ZAR1L: variants seen among roughly 807,000 people sequenced by gnomAD.
ZAR1L encodes the protein protein ZAR1-like.
In ZAR1L, 16 loss-of-function variants were observed where a neutral mutation model predicts 30.0. The observed-to-expected ratio is 0.53, with a 90% CI of 0.36 to 0.81. The LOEUF (loss-of-function observed/expected upper bound fraction) is 0.81. Among genes scored for constraint, ZAR1L ranks in the 30% least tolerant of loss-of-function variants. The probability of loss-of-function intolerance (pLI) is 0.00; values close to 1 mark genes in which losing one functional copy is unlikely to be tolerated. For missense variants in ZAR1L, 392 were observed against 417.2 expected (o/e 0.94, Z 0.53); for synonymous variants, 197 against 166.8 (o/e 1.18, Z -1.40).
intron 2 of ZAR1L, among the ~76,000 whole-genome samples, chr13:32,313,895 A>G (rs1426328892): frequency 6.6e-6 from 1 of 152,188 alleles, no homozygotes; most frequent in Non-Finnish European, 1.5e-5. Context: ...GGTTCTCATT[A>G]GTCCACTCCT....
intron 2 of ZAR1L, 60 bp from the exon 3 acceptor site, chr13:32,312,153 A>C: frequency 3.9e-6 from 2 of 517,142 alleles, no homozygotes; most frequent in Non-Finnish European, 3.3e-6. Context: ...TTCCTACCTA[A>C]TTGCTTTTCC....
chr13:32,307,156 G>A (rs971180924), intron 5 of ZAR1L, among the ~76,000 whole-genome samples: 2 of 151,838 alleles, frequency 1.3e-5, no homozygotes, highest in Admixed American at 1.3e-4. Context: ...TACAATAATA[G>A]CATATAAGTT....
Position 32,310,630 on chromosome 13 carries a change from T to C in ZAR1L, c.747+9A>G. Reference sequence around the variant, plus strand: ...CATCCTCCTCTCACCTCCTACTCTTTTTATTTACCTTGTTCGTTCCAGAAA... The same window carrying C: ...CATCCTCCTCTCACCTCCTACTCTTCTTATTTACCTTGTTCGTTCCAGAAA... On this transcript the variant is annotated intron_variant, in intron 4 of 5. Coordinates refer to ENST00000533490, the MANE Select transcript of ZAR1L (RefSeq NM_001136571.2). 1 of 1,542,728 alleles carries C rather than the reference T, an allele frequency of 6.5e-7. No individual in the cohort carries two copies.
chr13:32,308,986 G>C (rs1593874755), intron 4 of ZAR1L, among the ~76,000 whole-genome samples: 1 of 139,360 alleles, frequency 7.2e-6, no homozygotes, highest in African/African-American at 2.7e-5. Flanking sequence ...CATAAAATTG[G>C]AATACATTTT....
Position 32,308,743 on chromosome 13 carries a change from G to C in ZAR1L, c.765C>G (p.Leu255=), listed in dbSNP as rs1272830947. ...TAAAACTCTTTTGGCATTTACAACA[G>C]AGTTGTTTGAAATAAACCTAAAGAG... ...SGTNKVYFKQ[L]CCKCQKSFNP... Residue 255 remains leucine, a synonymous_variant, in exon 5 of 6, where the codon CTC becomes CTG. Coordinates refer to ENST00000533490, the MANE Select transcript of ZAR1L (RefSeq NM_001136571.2). The C allele has an allele frequency of 1.3e-6, 2 of 1,549,688 alleles. No homozygotes were observed. Among genetic ancestry groups the C allele is most frequent in the Admixed American group, 3.9e-5 (2 of 50,912 alleles).
chr13:32,312,912 C>T (rs2072224797), intron 2 of ZAR1L, among the ~76,000 whole-genome samples: 1 of 152,088 alleles, frequency 6.6e-6, no homozygotes, highest in South Asian at 2.1e-4. Context: ...AACAGGAGAT[C>T]CTGCCATTTG....
At chr13:32,306,673 A>C (rs1029026318) in intron 5 of ZAR1L, among the ~76,000 whole-genome samples, 2 of 152,202 alleles carry the variant, frequency 1.3e-5, no homozygotes, top group Non-Finnish European at 2.9e-5. Flanking sequence ...GCTCACGCCT[A>C]TAATCCCAAT....
intron 5 of ZAR1L, among the ~76,000 whole-genome samples, chr13:32,305,296 G>A (rs1451652146): frequency 6.6e-6 from 1 of 151,190 alleles, no homozygotes; most frequent in Admixed American, 6.6e-5. Context: ...GCGCTATCTT[G>A]GCTCACTGCA....
In ZAR1L at chr13:32,311,890, G is replaced by T; in HGVS notation, c.36C>A (p.Tyr12Ter). The T allele has an allele frequency of 1.3e-6, 2 of 1,551,434 alleles. No homozygotes were observed. The highest frequency in any genetic ancestry group is 1.7e-6 in the Non-Finnish European group (2 of 1,146,878). Reference sequence around the variant, plus strand: ...AAGGCACTGTGCTCCCATAACCCTGGTACAAGCCATAGGGAACACGGACAA... The same window carrying T: ...AAGGCACTGTGCTCCCATAACCCTGTTACAAGCCATAGGGAACACGGACAA... ...ERFVRVPYGL[Y>*]QGYGSTVPLG... Residue 12 changes from tyrosine (Y) to a stop codon, truncating the protein, a stop_gained, in exon 3 of 6, where the codon TAC becomes TAA. Transcript: ENST00000533490. LOFTEE classifies it high-confidence loss of function.
In ZAR1L at chr13:32,311,273, T is replaced by C. The variant is rs1351111179; in HGVS notation, c.653A>G (p.Gln218Arg). ...AAGAAGAGGGAAGAGAGGATCTACC[T>C]GGAAGTTGGGCCTCCGGAGCGGCTC... ...ASEPLRRPNFQFLEPKYGYFH... is the reference protein window; with the variant it reads ...ASEPLRRPNFRFLEPKYGYFH... The change falls in exon 3 of 6, where the codon CAG becomes CGG. Residue 218 changes from glutamine to arginine, a missense_variant and splice_region_variant. Gln to Arg is a conservative substitution (Grantham distance 43, BLOSUM62 1). Coordinates refer to ENST00000533490, the MANE Select transcript of ZAR1L (RefSeq NM_001136571.2). 7.8e-6 allele frequency: 12 copies of C among 1,547,172 alleles called. No individual in the cohort carries two copies. Among genetic ancestry groups the C allele is most frequent in the South Asian group, 4.8e-5 (4 of 83,684 alleles).
chr13:32,303,979 T>C lies in ZAR1L; in HGVS notation c.866A>G (p.His289Arg), dbSNP rs2072157111. The change falls in exon 6 of 6, where the codon CAC (histidine) becomes CGC (arginine). Residue 289 changes from histidine to arginine, a missense_variant. By Grantham distance (29) the His-to-Arg change is conservative (BLOSUM62 0). Transcript: ENST00000533490. ...SHCSCPQKKR[H>R]IDLRRPHRQE... ...TCGATGAGGCCTCCTTAGATCAATG[T>C]GTCTCTTCTTTTGAGGACAGGAACA... 1.3e-6 allele frequency: 2 copies of C among 1,552,176 alleles called. No homozygotes were observed. Among genetic ancestry groups the C allele is most frequent in the Non-Finnish European group, 1.7e-6 (2 of 1,147,102 alleles).
Position 32,306,622 on chromosome 13 carries a change from G to A in ZAR1L, c.822+2064C>T, listed in dbSNP as rs527869534. Among the ~76,000 whole-genome samples the A allele has an allele frequency of 8.5e-5, 13 of 152,160 alleles. No homozygotes were observed. The East Asian group carries it at 1.9e-3, about 23-fold the overall frequency. Reference sequence around the variant, plus strand: ...CCTAGAAATTCTATATATACCCAGCGAAAATATCTCTTAAAAAGATATCCA... The same window carrying A: ...CCTAGAAATTCTATATATACCCAGCAAAAATATCTCTTAAAAAGATATCCA... On this transcript the variant is annotated intron_variant, in intron 5 of 5. Transcript: ENST00000533490.
rs1428943140 is a variant in ZAR1L, at chr13:32,303,883, A to G, written c.962T>C (p.Met321Thr). ...TTACAAGTCACACTGTACAAGTCAC[A>G]TCACATATTTAAAGCTGTAAATATT... ...CGNIYSFKYV[M>T] The change falls in exon 6 of 6, where the codon ATG (methionine) becomes ACG (threonine). Residue 321 changes from methionine (M) to threonine (T), a missense_variant. Physicochemically the swap from Met to Thr is moderately conservative, Grantham distance 81. Coordinates refer to ENST00000533490, the MANE Select transcript of ZAR1L (RefSeq NM_001136571.2). The G allele has an allele frequency of 1.3e-6, 2 of 1,551,748 alleles. No homozygotes were observed. Among genetic ancestry groups the G allele is most frequent in the Non-Finnish European group, 1.7e-6 (2 of 1,146,988 alleles).
intron 2 of ZAR1L, 130 bp downstream of exon 2, chr13:32,314,200 G>C (rs927076283): frequency 1.4e-5 from 2 of 139,916 alleles, no homozygotes; most frequent in Non-Finnish European, 3.2e-5. Context: ...GATCACAGAC[G>C]TATTTCTTTG....
chr13:32,308,930 C>A (rs1169524857), intron 4 of ZAR1L, among the ~76,000 whole-genome samples, 170 bp from the exon 5 acceptor site: 1 of 149,800 alleles, frequency 6.7e-6, no homozygotes. Flanking sequence ...TCAAGGTGTA[C>A]TAGTTCTTAT....
At chr13:32,308,578 G>A in intron 5 of ZAR1L, 108 bp downstream of exon 5, 1 of 760,820 alleles carries the variant, frequency 1.3e-6, no homozygotes, top group Non-Finnish European at 2.2e-6. Context: ...CAAACATACA[G>A]AACACTCACA....
chr13:32,304,261 A>G (rs2072158600), intron 5 of ZAR1L, among the ~76,000 whole-genome samples: 2 of 152,248 alleles, frequency 1.3e-5, no homozygotes. Flanking sequence ...GCCAATCAAG[A>G]CAACATAATG....
rs935800818 is a variant in ZAR1L at position 32,311,840 on chromosome 13, T to G, written c.86A>C (p.His29Pro). The G allele has an allele frequency of 3.9e-6, 6 of 1,551,704 alleles. No individual in the cohort carries two copies. The highest frequency in any genetic ancestry group is 5.2e-6 in the Non-Finnish European group (6 of 1,147,014). ...ATTTTGCCTCCAGTCGGGCTGTTTG[T>G]GCCCTGAGAGTCCAGGCTGGCCCAA... The part of the protein sequence containing the change: ...VPLGQPGLSG[H>P]KQPDWRQNMG... Residue 29 changes from histidine to proline, a missense_variant, in exon 3 of 6, where the codon CAC becomes CCC. His to Pro is a moderately conservative substitution (Grantham distance 77). Coordinates refer to ENST00000533490, the MANE Select transcript of ZAR1L (RefSeq NM_001136571.2).
Position 32,312,055 on chromosome 13 carries a change from A to G in ZAR1L, c.-130T>C. On this transcript the variant is annotated 5_prime_UTR_variant, in exon 3 of 6. The change abolishes an upstream ATG in the 5' untranslated region. Coordinates refer to ENST00000533490, the MANE Select transcript of ZAR1L (RefSeq NM_001136571.2). ...GTTCAGATTCATTCCTGGCTTCTCC[A>G]TTTATTTCAGATTCTAATGGGAGCT... 2 of 1,094,914 alleles carry G rather than the reference A, an allele frequency of 1.8e-6. No individual in the cohort carries two copies. Among genetic ancestry groups the G allele is most frequent in the Non-Finnish European group, 2.5e-6 (2 of 789,992 alleles). The allele number at this position is 1,094,914 out of a possible 1,614,324, so 67.8% of individuals were successfully genotyped here.
Sources: gnomAD v4.1 joint callset for allele counts (sites outside exome capture counted in the v4.1 genomes callset) on GRCh38, gnomAD v4.1.1 for gene constraint, MANE v1.5 for transcripts, NCBI Gene and HGNC (gene_info 2026-07-23, HGNC 2026-07-21) for gene names.